Variants in SLC25A12 observed in about 807,000 individuals in gnomAD.
SLC25A12 encodes solute carrier family 25 member 12.
In SLC25A12, 32 loss-of-function variants were observed where a neutral mutation model predicts 83.3. The observed-to-expected ratio is 0.38, with a 90% CI of 0.29 to 0.52. The LOEUF is 0.52. Ranked by LOEUF, SLC25A12 falls within the 20% of genes least tolerant of loss-of-function variation. The pLI, the probability that SLC25A12 is intolerant of heterozygous loss-of-function variation, is 0.84. For synonymous variants in SLC25A12, 267 were observed against 291.1 expected, an observed-to-expected ratio of 0.92 and a Z score of 0.84; for missense variants, 611 against 835.6, an observed-to-expected ratio of 0.73 and a Z score of 3.31.
intron 2 of SLC25A12, among the ~76,000 whole-genome samples, chr2:171,879,361 C>T (rs1284231890): frequency 6.6e-6 from 1 of 152,148 alleles, no homozygotes; most frequent in Non-Finnish European, 1.5e-5. Flanking sequence ...ATACTATGTG[C>T]TTATTTTTGT....
chr2:171,787,226 G>A (rs1169581104), intron 17 of SLC25A12, among the ~76,000 whole-genome samples: 3 of 152,164 alleles, frequency 2.0e-5, no homozygotes, highest in East Asian at 1.9e-4. Context: ...TCAGGAGGCT[G>A]AGGTGGGAGG....
intron 4 of SLC25A12, among the ~76,000 whole-genome samples, chr2:171,853,822 C>T (rs1684989269): frequency 6.6e-6 from 1 of 152,122 alleles, no homozygotes. Context: ...TTAAGTTGGT[C>T]TTGACAGTCT....
intron 13 of SLC25A12, among the ~76,000 whole-genome samples, chr2:171,805,575 G>T (rs1683808282): frequency 6.6e-6 from 1 of 152,166 alleles, no homozygotes; most frequent in African/African-American, 2.4e-5. Context: ...TCAAAATTTG[G>T]ATTTCACTAA....
chr2:171,821,058 C>T (rs1019614806), intron 9 of SLC25A12, among the ~76,000 whole-genome samples: 21 of 114,598 alleles, frequency 1.8e-4, no homozygotes, highest in Non-Finnish European at 2.8e-4. Context: ...GAGACAGCGT[C>T]TCCCTCTGTT....
At chr2:171,816,307 T>C (rs1684049971) in intron 9 of SLC25A12, among the ~76,000 whole-genome samples, 1 of 151,864 alleles carries the variant, frequency 6.6e-6, no homozygotes, top group Non-Finnish European at 1.5e-5. Context: ...CTCAAGCTAT[T>C]CTCCCACCTC....
At chr2:171,794,992 G>A (rs1683571023) in intron 13 of SLC25A12, among the ~76,000 whole-genome samples, 1 of 152,124 alleles carries the variant, frequency 6.6e-6, no homozygotes, top group Admixed American at 6.6e-5. Context: ...CAAGGGGCAG[G>A]AACATGGCTC....
At chr2:171,852,619 A>T (rs1684956540) in intron 4 of SLC25A12, 1 of 449,444 alleles carries the variant, frequency 2.2e-6, no homozygotes, top group Middle Eastern at 3.3e-4. Context: ...GCCTATAAAT[A>T]CATAAGCACA....
chr2:171,805,023 A>G (rs1574684355), intron 13 of SLC25A12, among the ~76,000 whole-genome samples: 2 of 152,352 alleles, frequency 1.3e-5, no homozygotes, highest in East Asian at 3.9e-4. Flanking sequence ...ACACTGAATT[A>G]TACACATTAA....
chr2:171,878,012 A>G (rs1685609813), intron 2 of SLC25A12, among the ~76,000 whole-genome samples: 1 of 152,212 alleles, frequency 6.6e-6, no homozygotes, highest in South Asian at 2.1e-4. Context: ...CATCAAAACT[A>G]AGGCAATATA....
At chr2:171,865,974 G>A (rs2105914142) in intron 3 of SLC25A12, among the ~76,000 whole-genome samples, 1 of 145,840 alleles carries the variant, frequency 6.9e-6, no homozygotes, top group Non-Finnish European at 1.5e-5. Flanking sequence ...GTTTTCCTAG[G>A]CAGAGGACCC....
intron 6 of SLC25A12, among the ~76,000 whole-genome samples, chr2:171,835,538 C>T (rs3770449): frequency 0.21 from 31,543 of 152,150 alleles, 4,061 homozygotes; most frequent in East Asian, 0.58. Context: ...GGCAACGTGG[C>T]CTTCATTACC....
At chr2:171,809,574 T>G in intron 13 of SLC25A12, 32 bp downstream of exon 13, 5 of 1,529,130 alleles carry the variant, frequency 3.3e-6, no homozygotes, top group Non-Finnish European at 4.5e-6. Flanking sequence ...GGAATGTATT[T>G]GTCACAAGAA....
chr2:171,849,414 C>CA (rs1452791392), intron 4 of SLC25A12, among the ~76,000 whole-genome samples: 4 of 150,474 alleles, frequency 2.7e-5, no homozygotes, highest in Non-Finnish European at 4.4e-5. Context: ...AAAAAAAAAT[C>CA]AAAAAATCTT....
At chr2:171,868,599 C>A (rs1363431544) in intron 3 of SLC25A12, 82 bp downstream of exon 3, 1 of 1,384,052 alleles carries the variant, frequency 7.2e-7, no homozygotes, top group African/African-American at 1.4e-5. Flanking sequence ...CAGGCATGAG[C>A]CACTGTGCCC....
intron 2 of SLC25A12, chr2:171,871,691 C>A: frequency 1.0e-6 from 1 of 983,414 alleles, no homozygotes; most frequent in Non-Finnish European, 1.2e-6. Context: ...CCTCCACTCA[C>A]CTTCCATGTT....
intron 2 of SLC25A12, among the ~76,000 whole-genome samples, chr2:171,876,133 T>C (rs907609385): frequency 6.6e-6 from 1 of 152,122 alleles, no homozygotes; most frequent in Non-Finnish European, 1.5e-5. Flanking sequence ...GCTTTGCCAG[T>C]ATCTGGGGTT....
intron 13 of SLC25A12, among the ~76,000 whole-genome samples, chr2:171,797,269 A>G (rs79914248): frequency 1.3e-5 from 2 of 152,328 alleles, no homozygotes; most frequent in Non-Finnish European, 2.9e-5. Flanking sequence ...CAAATTCCCA[A>G]TAAAACAGCT....
chr2:171,832,835 C>T (rs1684471594), intron 8 of SLC25A12, among the ~76,000 whole-genome samples: 1 of 152,192 alleles, frequency 6.6e-6, no homozygotes, highest in African/African-American at 2.4e-5. Context: ...CTCCTAACTG[C>T]TCAAAAAGAT....
chr2:171,793,273 C>G (rs1182337650), intron 14 of SLC25A12, among the ~76,000 whole-genome samples: 1 of 152,090 alleles, frequency 6.6e-6, no homozygotes, highest in Non-Finnish European at 1.5e-5. Context: ...TAGAGATAAT[C>G]AGACCGAAAA....
Sources: gnomAD v4.1 joint callset for allele counts (sites outside exome capture counted in the v4.1 genomes callset) on GRCh38, gnomAD v4.1.1 for gene constraint, MANE v1.5 for transcripts, NCBI Gene and HGNC (gene_info 2026-07-23, HGNC 2026-07-21) for gene names.